Variants in SENP3 observed in about 807,000 individuals in gnomAD.
SENP3 encodes SUMO specific peptidase 3, also known as sentrin-specific protease 3.
In SENP3, 11 loss-of-function variants were observed where a neutral mutation model predicts 66.2. The ratio of observed to expected loss-of-function variants is 0.17; its 90% CI spans 0.10 to 0.28. The LOEUF is 0.28. Among genes scored for constraint, SENP3 ranks in the 10% least tolerant of loss-of-function variants. SENP3 has a pLI of 1.00. For synonymous variants in SENP3, 292 were observed against 277.6 expected (o/e 1.05, Z -0.52); for missense variants, 548 against 743.7 (o/e 0.74, Z 3.06).
rs2071221407 is a variant in SENP3 at position 7,562,165 on chromosome 17, G to GAC, written c.-109_-108insCA. On this transcript the variant is annotated 5_prime_UTR_variant, in exon 1 of 11. Coordinates refer to ENST00000321337, the MANE Select transcript of SENP3 (RefSeq NM_015670.6). This position sits in a 1 kb window ranked among gnomAD's most constrained non-coding sequence, Gnocchi z 5.0. ...AGACGGCTGCGCCTAAAGACAGCAG[G>GAC]AGTGGCGGGGCCGCCGCCGTCGCCG... The GAC allele has an allele frequency of 7.5e-6, 3 of 397,782 alleles. No homozygotes were observed. Among genetic ancestry groups the GAC allele is most frequent in the East Asian group, 7.1e-5 (2 of 28,002 alleles). The allele number at this position is 397,782 out of a possible 1,614,324, so 24.6% of individuals were successfully genotyped here.
rs1455127164 is a variant in SENP3, at chr17:7,565,076, G to A, written c.1067+6G>A. ...GAGTTTTCCACCCCTTCCAGGTGAG[G>A]CTTGAAAGCCCTCCTTGAAAGAAGG... is the stretch of plus-strand genomic sequence containing the variant. On this transcript the variant is annotated splice_donor_region_variant and intron_variant, in intron 4 of 10. Coordinates refer to ENST00000321337, the MANE Select transcript of SENP3 (RefSeq NM_015670.6). 11 of 1,594,792 alleles carry A rather than the reference G, an allele frequency of 6.9e-6. No homozygotes were observed. Among genetic ancestry groups the A allele is most frequent in the African/African-American group, 1.3e-5 (1 of 74,570 alleles).
At chr17:7,566,265 C>T (rs1038967041) in intron 6 of SENP3, among the ~76,000 whole-genome samples, 5 of 151,422 alleles carry the variant, frequency 3.3e-5, no homozygotes, top group African/African-American at 1.2e-4. Context: ...TGCTTGAACC[C>T]GTGAGGCGGA....
chr17:7,565,479 G>A lies in SENP3; in HGVS notation c.1107G>A (p.Arg369=). 1.2e-5 allele frequency: 20 copies of A among 1,613,882 alleles called. No individual in the cohort carries two copies. The highest frequency in any genetic ancestry group is 1.7e-5 in the Non-Finnish European group (20 of 1,179,854). Residue 369 remains arginine (R), a synonymous_variant, in exon 5 of 11, where the codon CGG becomes CGA. Coordinates refer to ENST00000321337, the MANE Select transcript of SENP3 (RefSeq NM_015670.6). ...TGCAGCTGATCCAGTCTTACCAGCGGATGCCAGGCAATGCCATGGTGAGGG... is the reference window on the plus strand; with the variant it reads ...TGCAGCTGATCCAGTCTTACCAGCGAATGCCAGGCAATGCCATGGTGAGGG... The part of the protein sequence containing the change: ...LVLQLIQSYQ[R]MPGNAMVRGF...
At chr17:7,571,327 G>C (rs763726289) in intron 10 of SENP3, 46 bp from the exon 11 acceptor site, 2 of 1,364,838 alleles carry the variant, frequency 1.5e-6, no homozygotes, top group Non-Finnish European at 2.1e-6. Flanking sequence ...TGTAGCACAG[G>C]TCCTGACACG....
Position 7,565,431 on chromosome 17 carries a change from C to T in SENP3, c.1068-9C>T, listed in dbSNP as rs1479332488. On this transcript the variant is annotated splice_polypyrimidine_tract_variant and intron_variant, in intron 4 of 10. Coordinates refer to ENST00000321337, the MANE Select transcript of SENP3 (RefSeq NM_015670.6). ...ATCTTTTGTGTGACTCCACCCTTGG[C>T]CTACTCAGGAAGGGCCTGGTGTTGC... The T allele has an allele frequency of 1.9e-6, 3 of 1,613,328 alleles. No individual in the cohort carries two copies. The highest frequency in any genetic ancestry group is 2.5e-6 in the Non-Finnish European group (3 of 1,179,644).
In SENP3 at chr17:7,563,415, T is replaced by A; in HGVS notation, c.339T>A (p.Pro113=). ...TGGGAACCTCCCAGCGGCCCCGCCC[T>A]TCCCGCCCCACTCATCGAAAAACCT... is the stretch of plus-strand genomic sequence containing the variant. The part of the protein sequence containing the change: ...SQLGTSQRPR[P]SRPTHRKTCS... The change falls in exon 2 of 11, where the codon CCT becomes CCA. Residue 113 remains proline (P), a synonymous_variant. Transcript: ENST00000321337. The A allele has an allele frequency of 2.3e-6, 1 of 426,840 alleles. No individual in the cohort carries two copies. Among genetic ancestry groups the A allele is most frequent in the Non-Finnish European group, 4.4e-6 (1 of 224,992 alleles). The allele number at this position is 426,840 out of a possible 1,614,324, so 26.4% of individuals were successfully genotyped here. A position where few individuals can be genotyped will look rare whatever the true frequency, so the allele number is the denominator to read the frequency against.
chr17:7,570,662 T>C lies in SENP3; in HGVS notation c.1480-19T>C. On this transcript the variant is annotated intron_variant, in intron 8 of 10. Transcript: ENST00000321337. The surrounding 1 kb of genome is among the most constrained non-coding windows in gnomAD (Gnocchi z 5.4). The stretch of plus-strand genomic sequence containing the variant: ...TTGAGAAACTTAGGGCATCACTTTC[T>C]TTTCCCCCATCCACATAGCATATTG... The C allele has an allele frequency of 6.2e-7, 1 of 1,609,058 alleles. No homozygotes were observed. The highest frequency in any genetic ancestry group is 8.5e-7 in the Non-Finnish European group (1 of 1,177,330).
At chr17:7,567,356 A>C (rs1380438294) in intron 7 of SENP3, among the ~76,000 whole-genome samples, 1 of 152,138 alleles carries the variant, frequency 6.6e-6, no homozygotes, top group Non-Finnish European at 1.5e-5. Flanking sequence ...ATCTCTATTA[A>C]AAATACAAAA....
chr17:7,562,284 C>T lies in SENP3; in HGVS notation c.-12+21C>T. The T allele has an allele frequency of 2.5e-6, 1 of 397,766 alleles. No homozygotes were observed. The highest frequency in any genetic ancestry group is 4.4e-6 in the Non-Finnish European group (1 of 225,464). The allele number at this position is 397,766 out of a possible 1,614,324, so 24.6% of individuals were successfully genotyped here. ...TCCCGGTGAGGACGCCCCCTCCCCT[C>T]CCCCCAGCCCTGCCTTGGCCTCTCC... On this transcript the variant is annotated intron_variant, in intron 1 of 10. Transcript: ENST00000321337. This position sits in a 1 kb window ranked among gnomAD's most constrained non-coding sequence, Gnocchi z 5.0.
Position 7,565,962 on chromosome 17 carries a change from T to C in SENP3, c.1263+198T>C, listed in dbSNP as rs184476887. ...AGTTGTTTTCCTTTCTGCCAGTATT[T>C]AGTGTTTTTCGCTATGGCCAGCCCC... On this transcript the variant is annotated intron_variant, in intron 6 of 10. Transcript: ENST00000321337. 1.8e-3 allele frequency: 997 copies of C among 558,270 alleles called. 13 individuals are homozygous for C. Among genetic ancestry groups the C allele is most frequent in the South Asian group, 3.4e-3 (128 of 37,566 alleles). The allele number at this position is 558,270 out of a possible 1,614,324, so 34.6% of individuals were successfully genotyped here.
chr17:7,566,897 C>G, intron 6 of SENP3, 30 bp from the exon 7 acceptor site: 1 of 1,487,936 alleles, frequency 6.7e-7, no homozygotes. Flanking sequence ...TCTTTTAATT[C>G]CATTGAGCTT....
At chr17:7,564,904 G>C in intron 3 of SENP3, 40 bp downstream of exon 3, 4 of 1,602,348 alleles carry the variant, frequency 2.5e-6, no homozygotes, top group East Asian at 2.2e-5. Flanking sequence ...TCCCTTCTCC[G>C]ACTCCTAGAG....
chr17:7,570,225 C>A lies in SENP3; in HGVS notation c.1342-131C>A. On this transcript the variant is annotated intron_variant, in intron 7 of 10. Transcript: ENST00000321337. This position sits in a 1 kb window ranked among gnomAD's most constrained non-coding sequence, Gnocchi z 5.4. Reference sequence around the variant, plus strand: ...AACATGCAGATCCTGAGCTTGCCCACAATCTAGGCCTTGGGTCTTCTGTTC... The same window carrying A: ...AACATGCAGATCCTGAGCTTGCCCAAAATCTAGGCCTTGGGTCTTCTGTTC... 1 of 1,157,336 alleles carries A rather than the reference C, an allele frequency of 8.6e-7. No homozygotes were observed. Among genetic ancestry groups the A allele is most frequent in the Non-Finnish European group, 1.2e-6 (1 of 815,200 alleles). 71.7% of individuals were successfully genotyped at this position (1,157,336 alleles called of 1,614,324 possible). A position where few individuals can be genotyped will look rare whatever the true frequency, so the allele number is the denominator to read the frequency against.
Position 7,571,623 on chromosome 17 carries a change from T to C in SENP3, c.*140T>C. On this transcript the variant is annotated 3_prime_UTR_variant, in exon 11 of 11. Coordinates refer to ENST00000321337, the MANE Select transcript of SENP3 (RefSeq NM_015670.6). Reference sequence around the variant, plus strand: ...TTTCATATTTAAATGTTTCAATTTCTGTATTTTTTTTTCTTTGAGAGAATA... The same window carrying C: ...TTTCATATTTAAATGTTTCAATTTCCGTATTTTTTTTTCTTTGAGAGAATA... The C allele has an allele frequency of 1.7e-6, 1 of 597,026 alleles. No homozygotes were observed. Among genetic ancestry groups the C allele is most frequent in the Non-Finnish European group, 2.9e-6 (1 of 339,188 alleles). The allele number at this position is 597,026 out of a possible 1,614,324, so 37.0% of individuals were successfully genotyped here.
chr17:7,564,934 C>T (rs1272804907), intron 3 of SENP3, 25 bp from the exon 4 acceptor site: 1 of 1,609,834 alleles, frequency 6.2e-7, no homozygotes, highest in African/African-American at 1.3e-5. Context: ...GAGGCCTCAC[C>T]CCCTCCTCTC....
Position 7,570,532 on chromosome 17 carries a change from C to T in SENP3, c.1479+39C>T, listed in dbSNP as rs369974141. 56 of 1,598,670 alleles carry T rather than the reference C, an allele frequency of 3.5e-5. No homozygotes were observed. Among genetic ancestry groups the T allele is most frequent in the African/African-American group, 2.9e-4 (22 of 74,636 alleles). ...GGAGAGAGATGGGCAAAATGTGGGG[C>T]GGTGCAGTGGCAAGGCATTGCAGGA... is the stretch of plus-strand genomic sequence containing the variant. On this transcript the variant is annotated intron_variant, in intron 8 of 10. Transcript: ENST00000321337. The surrounding 1 kb of genome is among the most constrained non-coding windows in gnomAD (Gnocchi z 5.4).
intron 2 of SENP3, 50 bp downstream of exon 2, chr17:7,563,841 T>G (rs776274567): frequency 1.2e-4 from 176 of 1,455,548 alleles, no homozygotes; most frequent in Non-Finnish European, 1.5e-4. Flanking sequence ...TAGGGAGGGT[T>G]AAGAGCCTGG....
At chr17:7,563,930 G>A (rs2071245895) in intron 2 of SENP3, 139 bp downstream of exon 2, 1 of 738,054 alleles carries the variant, frequency 1.4e-6, no homozygotes, top group East Asian at 2.8e-5. Flanking sequence ...CAGAAGAGCT[G>A]CGAAATGTCT....
intron 7 of SENP3, among the ~76,000 whole-genome samples, chr17:7,569,242 G>A (rs569153049): frequency 3.2e-4 from 49 of 152,078 alleles, no homozygotes; most frequent in Admixed American, 6.5e-4. Context: ...AAAATTAGCC[G>A]GGCGAGGTGG....
Sources: gnomAD v4.1 joint callset for allele counts (sites outside exome capture counted in the v4.1 genomes callset) on GRCh38, gnomAD v4.1.1 for gene constraint, Gnocchi (gnomAD v3.1) non-coding constraint, MANE v1.5 for transcripts, NCBI Gene and HGNC (gene_info 2026-07-23, HGNC 2026-07-21) for gene names.